Variants in PTPRD observed in about 807,000 individuals in gnomAD.
PTPRD encodes receptor-type tyrosine-protein phosphatase delta.
Under a neutral mutation model 214.5 loss-of-function variants are expected in PTPRD, and 34 were observed. The observed-to-expected ratio is 0.16, with a 90% CI of 0.12 to 0.21. The LOEUF (loss-of-function observed/expected upper bound fraction) is 0.21. PTPRD is among the 10% of genes least tolerant of loss of function. The pLI, the probability that PTPRD is intolerant of heterozygous loss-of-function variation, is 1.00. For missense variants in PTPRD, 2,545 were observed against 2,398.7 expected (o/e 1.06, Z -1.27); for synonymous variants, 1,128 against 845.7 (o/e 1.33, Z -5.79).
At chr9:9,606,018 A>G (rs2094130357) in intron 7 of PTPRD, among the ~76,000 whole-genome samples, 1 of 152,042 alleles carries the variant, frequency 6.6e-6, no homozygotes, top group Non-Finnish European at 1.5e-5. Flanking sequence ...TCTTGATACT[A>G]CACAAAATGC....
At chr9:8,565,369 A>C (rs1191306797) in intron 14 of PTPRD, among the ~76,000 whole-genome samples, 1 of 152,226 alleles carries the variant, frequency 6.6e-6, no homozygotes, top group Non-Finnish European at 1.5e-5. Context: ...TTGGTTGCTT[A>C]AGAAATAAAC....
chr9:9,273,814 AG>A (rs1458449991), intron 9 of PTPRD, among the ~76,000 whole-genome samples: 1 of 151,312 alleles, frequency 6.6e-6, no homozygotes, highest in Non-Finnish European at 1.5e-5. Context: ...AAATCTGACT[AG>A]GAGTTTTGAC....
intron 2 of PTPRD, among the ~76,000 whole-genome samples, chr9:10,354,590 G>A (rs2097240392): frequency 6.6e-6 from 1 of 152,116 alleles, no homozygotes; most frequent in South Asian, 2.1e-4. Context: ...TTACAAGAAT[G>A]TTTATTGTAT....
intron 5 of PTPRD, among the ~76,000 whole-genome samples, chr9:9,904,886 G>T (rs770168718): frequency 6.6e-6 from 1 of 152,016 alleles, no homozygotes; most frequent in Admixed American, 6.6e-5. Flanking sequence ...ACGAAGTGGG[G>T]ATTTAATTTC....
At chr9:9,621,783 G>A (rs760511333) in intron 7 of PTPRD, among the ~76,000 whole-genome samples, 17 of 152,196 alleles carry the variant, frequency 1.1e-4, no homozygotes, top group Non-Finnish European at 2.1e-4. Context: ...ATGCTCAGCC[G>A]GCAGCTCTGT....
intron 11 of PTPRD, among the ~76,000 whole-genome samples, chr9:8,809,530 C>A (rs1050717774): frequency 6.6e-6 from 1 of 152,164 alleles, no homozygotes; most frequent in Non-Finnish European, 1.5e-5. Context: ...GTAAAACTCT[C>A]AGCTCAACCA....
At chr9:10,092,859 C>T (rs1332699701) in intron 3 of PTPRD, among the ~76,000 whole-genome samples, 2 of 151,490 alleles carry the variant, frequency 1.3e-5, no homozygotes, top group African/African-American at 2.4e-5. Flanking sequence ...GAAAAAGACT[C>T]CCTATTCAAT....
intron 41 of PTPRD, 125 bp downstream of exon 41, chr9:8,340,965 G>C: frequency 5.3e-6 from 5 of 937,104 alleles, no homozygotes; most frequent in Non-Finnish European, 7.7e-6. Flanking sequence ...AATACCAAGG[G>C]ACTAAATGAT....
chr9:10,398,716 A>G (rs968719535), intron 2 of PTPRD, among the ~76,000 whole-genome samples: 4 of 152,024 alleles, frequency 2.6e-5, no homozygotes, highest in Non-Finnish European at 5.9e-5. Context: ...TCGTGATAAT[A>G]ATGATGATGA....
rs2058877936 is a variant in PTPRD, at chr9:10,540,565, G to T, written c.-600+71833C>A. 2.6e-5 allele frequency among the ~76,000 whole-genome samples: 4 copies of T among 152,056 alleles called. No individual in the cohort carries two copies. In the South Asian group the frequency reaches 8.3e-4, roughly 32 times the overall value. On this transcript the variant is annotated intron_variant, in intron 2 of 45. Coordinates refer to ENST00000381196, the MANE Select transcript of PTPRD (RefSeq NM_002839.4). Reference sequence around the variant, plus strand: ...AATATTTCTGAAAATATCTCATTTTGCTTGCTTCTTTTCATCCATTCCTAC... The same window carrying T: ...AATATTTCTGAAAATATCTCATTTTTCTTGCTTCTTTTCATCCATTCCTAC...
At chr9:8,466,736 G>A (rs1004380483) in intron 31 of PTPRD, among the ~76,000 whole-genome samples, 1 of 151,632 alleles carries the variant, frequency 6.6e-6, no homozygotes, top group Non-Finnish European at 1.5e-5. Context: ...ATGTATTTGA[G>A]GACAAACTGG....
At chr9:10,436,521 T>C (rs112660973) in intron 2 of PTPRD, among the ~76,000 whole-genome samples, 80 of 151,908 alleles carry the variant, frequency 5.3e-4, no homozygotes, top group African/African-American at 1.8e-3. Context: ...CCAACACATT[T>C]TGTTATATGT....
chr9:10,206,551 T>A (rs1452290607), intron 3 of PTPRD, among the ~76,000 whole-genome samples: 1 of 152,220 alleles, frequency 6.6e-6, no homozygotes, highest in East Asian at 1.9e-4. Context: ...CTACTGGATG[T>A]ATCAGATAAG....
intron 7 of PTPRD, among the ~76,000 whole-genome samples, chr9:9,620,995 T>C (rs2095211483): frequency 6.6e-6 from 1 of 152,172 alleles, no homozygotes; most frequent in Non-Finnish European, 1.5e-5. Flanking sequence ...CAATAGTGTT[T>C]GATGTAAGAC....
intron 39 of PTPRD, 126 bp from the exon 40 acceptor site, chr9:8,342,104 G>C: frequency 9.9e-7 from 1 of 1,006,316 alleles, no homozygotes; most frequent in Non-Finnish European, 1.4e-6. Flanking sequence ...ATAGCTATTG[G>C]GATGACTTTG....
At chr9:9,831,448 T>C (rs1169057853) in intron 5 of PTPRD, among the ~76,000 whole-genome samples, 6 of 151,980 alleles carry the variant, frequency 3.9e-5, no homozygotes, top group Admixed American at 2.6e-4. Context: ...TACCCTGAAA[T>C]TGAAATGGGA....
intron 5 of PTPRD, among the ~76,000 whole-genome samples, chr9:9,770,266 A>G (rs1001038898): frequency 3.3e-5 from 5 of 152,192 alleles, no homozygotes; most frequent in African/African-American, 1.2e-4. Context: ...ACTTTCCAGA[A>G]TCTGTAGTTT....
intron 8 of PTPRD, among the ~76,000 whole-genome samples, chr9:9,471,709 T>C (rs1285279770): frequency 2.0e-5 from 3 of 152,196 alleles, no homozygotes; most frequent in African/African-American, 4.8e-5. Context: ...AACAATTCAA[T>C]GCATTTCAGT....
intron 4 of PTPRD, among the ~76,000 whole-genome samples, chr9:9,972,954 C>T (rs751128067): frequency 7.2e-5 from 11 of 152,180 alleles, no homozygotes; most frequent in African/African-American, 2.6e-4. Context: ...GTAGCATATT[C>T]ACAGGTTCTT....
Sources: gnomAD v4.1 joint callset for allele counts (sites outside exome capture counted in the v4.1 genomes callset) on GRCh38, gnomAD v4.1.1 for gene constraint, MANE v1.5 for transcripts, NCBI Gene and HGNC (gene_info 2026-07-23, HGNC 2026-07-21) for gene names.